Variants in L3MBTL4 observed in about 807,000 individuals in gnomAD.
L3MBTL4 encodes lethal(3)malignant brain tumor-like protein 4.
Under a neutral mutation model 84.5 loss-of-function variants are expected in L3MBTL4, and 70 were observed. The observed-to-expected ratio is 0.83, with a 90% CI of 0.68 to 1.01. The LOEUF is 1.01. Among genes scored for constraint, L3MBTL4 ranks in the 50% least tolerant of loss-of-function variants. The pLI, the probability that L3MBTL4 is intolerant of heterozygous loss-of-function variation, is 0.00. For synonymous variants in L3MBTL4, 274 were observed against 259.8 expected, an observed-to-expected ratio of 1.05 and a Z score of -0.52; for missense variants, 715 against 754.8, an observed-to-expected ratio of 0.95 and a Z score of 0.62.
intron 13 of L3MBTL4, among the ~76,000 whole-genome samples, chr18:6,170,146 C>G (rs1195412707): frequency 6.6e-6 from 1 of 152,074 alleles, no homozygotes; most frequent in Non-Finnish European, 1.5e-5. Flanking sequence ...ACTAAGCAAG[C>G]TTTAAACTGA....
intron 13 of L3MBTL4, among the ~76,000 whole-genome samples, chr18:6,169,321 ATTACTGGGTAT>A (rs2043846391): frequency 6.6e-6 from 1 of 152,214 alleles, no homozygotes; most frequent in Non-Finnish European, 1.5e-5. Flanking sequence ...CAGCCATCCC[ATTACTGGGTAT>A]ATACTCAAAG....
intron 18 of L3MBTL4, among the ~76,000 whole-genome samples, chr18:5,958,218 T>A (rs2144620881): frequency 6.6e-6 from 1 of 152,216 alleles, no homozygotes; most frequent in East Asian, 1.9e-4. Flanking sequence ...AGTGTCAATG[T>A]CTCACTGATA....
chr18:6,047,986 G>A (rs1400663943), intron 16 of L3MBTL4, among the ~76,000 whole-genome samples: 1 of 152,048 alleles, frequency 6.6e-6, no homozygotes, highest in East Asian at 1.9e-4. Flanking sequence ...CTGACAGTAC[G>A]ATTCTACACC....
rs184204040 is a variant in L3MBTL4, at chr18:6,126,746, C to G, written c.1199+11448G>C. 1.7e-3 allele frequency among the ~76,000 whole-genome samples: 262 copies of G among 152,262 alleles called. 1 individual carries two copies. The highest frequency in any genetic ancestry group is 6.1e-3 in the African/African-American group (253 of 41,560). On this transcript the variant is annotated intron_variant, in intron 14 of 18. Transcript: ENST00000317931. ...TAATGGGTAGAACTGATTTAAAGAT[C>G]CATGACTGATCTTTTGTTACATTAT...
intron 5 of L3MBTL4, among the ~76,000 whole-genome samples, chr18:6,262,532 C>A (rs936287632): frequency 5.9e-5 from 9 of 152,144 alleles, no homozygotes; most frequent in African/African-American, 2.2e-4. Context: ...AGTTCTTAAA[C>A]CTTCTATGGT....
chr18:6,303,348 T>C (rs1040078088), intron 3 of L3MBTL4, among the ~76,000 whole-genome samples: 7 of 152,126 alleles, frequency 4.6e-5, no homozygotes, highest in Non-Finnish European at 4.4e-5. Flanking sequence ...CTCAAACTCC[T>C]GACCTCAAGT....
At chr18:5,991,942 T>C (rs971197114) in intron 16 of L3MBTL4, among the ~76,000 whole-genome samples, 2 of 151,926 alleles carry the variant, frequency 1.3e-5, no homozygotes, top group Non-Finnish European at 2.9e-5. Flanking sequence ...CTCTATTGTG[T>C]AGCCCTGGGC....
At chr18:5,968,898 C>G (rs1396715090) in intron 17 of L3MBTL4, among the ~76,000 whole-genome samples, 1 of 152,094 alleles carries the variant, frequency 6.6e-6, no homozygotes, top group Non-Finnish European at 1.5e-5. Context: ...GATGAGCAAA[C>G]CTGCAGCAGG....
At chr18:6,374,889 A>G (rs1452263768) in intron 1 of L3MBTL4, among the ~76,000 whole-genome samples, 1 of 152,226 alleles carries the variant, frequency 6.6e-6, no homozygotes. Flanking sequence ...TCTATGGAAA[A>G]ATATTCAGAA....
intron 14 of L3MBTL4, among the ~76,000 whole-genome samples, chr18:6,097,909 C>T (rs946283856): frequency 1.3e-5 from 2 of 152,174 alleles, no homozygotes; most frequent in African/African-American, 2.4e-5. Context: ...CTCCACTTCC[C>T]AGATGCCACC....
intron 16 of L3MBTL4, among the ~76,000 whole-genome samples, chr18:6,059,015 C>T (rs1376073764): frequency 7.9e-5 from 12 of 152,206 alleles, no homozygotes; most frequent in Admixed American, 7.9e-4. Context: ...TCTCCCACAG[C>T]TCTGCACAGT....
At chr18:6,021,298 C>A (rs891093948) in intron 16 of L3MBTL4, among the ~76,000 whole-genome samples, 1 of 152,194 alleles carries the variant, frequency 6.6e-6, no homozygotes, top group African/African-American at 2.4e-5. Flanking sequence ...CAAGTCTCCT[C>A]ATTGAAATGC....
chr18:6,132,239 T>C (rs921203964), intron 14 of L3MBTL4, among the ~76,000 whole-genome samples: 1 of 152,230 alleles, frequency 6.6e-6, no homozygotes, highest in Non-Finnish European at 1.5e-5. Flanking sequence ...GTTTACATGT[T>C]TCATAACTCC....
chr18:6,321,732 A>T (rs2147063082), intron 1 of L3MBTL4, among the ~76,000 whole-genome samples: 1 of 152,300 alleles, frequency 6.6e-6, no homozygotes, highest in African/African-American at 2.4e-5. Flanking sequence ...AATGAATGAG[A>T]TAATGTCTTT....
intron 1 of L3MBTL4, among the ~76,000 whole-genome samples, chr18:6,336,452 A>G (rs2052343915): frequency 6.6e-6 from 1 of 152,212 alleles, no homozygotes; most frequent in African/African-American, 2.4e-5. Context: ...CTAAGCCATA[A>G]ACATTATAAT....
chr18:6,287,158 G>T (rs1436479570), intron 4 of L3MBTL4, among the ~76,000 whole-genome samples: 1 of 152,052 alleles, frequency 6.6e-6, no homozygotes. Context: ...AGTTACAAAT[G>T]GGCTTTCAAA....
intron 16 of L3MBTL4, among the ~76,000 whole-genome samples, chr18:6,036,128 G>T (rs989914029): frequency 2.6e-5 from 4 of 152,110 alleles, no homozygotes; most frequent in African/African-American, 9.7e-5. Context: ...AACATTCTCT[G>T]TCTTTTGAAA....
At chr18:6,002,926 CT>C (rs2054277389) in intron 16 of L3MBTL4, among the ~76,000 whole-genome samples, 1 of 151,312 alleles carries the variant, frequency 6.6e-6, no homozygotes, top group African/African-American at 2.4e-5. Context: ...CCATAAGCCA[CT>C]TATATTCTAT....
intron 1 of L3MBTL4, among the ~76,000 whole-genome samples, chr18:6,412,784 C>G (rs1489060603): frequency 6.6e-6 from 1 of 152,070 alleles, no homozygotes; most frequent in Non-Finnish European, 1.5e-5. Flanking sequence ...TAAGAAGTGT[C>G]GTTTAAGATA....
Sources: allele counts gnomAD v4.1 joint callset (sites outside exome capture counted in the v4.1 genomes callset), GRCh38; gene constraint gnomAD v4.1.1; transcripts MANE v1.5; gene names NCBI Gene and HGNC (gene_info 2026-07-23, HGNC 2026-07-21).